UGT1A8: variants seen among roughly 807,000 people sequenced by gnomAD.
The protein encoded by UGT1A8 is UDP glucuronosyltransferase family 1 member A8.
Under a neutral mutation model 45.3 loss-of-function variants are expected in UGT1A8, and 39 were observed. That is an observed-to-expected ratio of 0.86 (90% CI 0.67 to 1.12). UGT1A8 has a LOEUF of 1.12. Among genes scored for constraint, UGT1A8 ranks in the 50% most tolerant of loss-of-function variants. UGT1A8 has a pLI of 0.00. For missense variants in UGT1A8, 719 were observed against 664.9 expected, an observed-to-expected ratio of 1.08 and a Z score of -0.90; for synonymous variants, 275 against 249.2, an observed-to-expected ratio of 1.10 and a Z score of -0.97.
chr2:233,658,138 C>A lies in UGT1A8; in HGVS notation c.855+39576C>A, dbSNP rs528752990. On this transcript the variant is annotated intron_variant, in intron 1 of 4. Transcript: ENST00000373450. Reference sequence around the variant, plus strand: ...GGTTCAAATGATTCTTGTGCCTCAGCCTCCTGAGTAGCTGGGATTACAGGT... The same window carrying A: ...GGTTCAAATGATTCTTGTGCCTCAGACTCCTGAGTAGCTGGGATTACAGGT... Among the ~76,000 whole-genome samples, 45 of 151,904 alleles carry A rather than the reference C, an allele frequency of 3.0e-4. 1 individual carries two copies. In the East Asian group the frequency reaches 7.4e-3, roughly 25 times the overall value.
At chr2:233,763,748 T>A (rs1698392875) in intron 1 of UGT1A8, among the ~76,000 whole-genome samples, 1 of 152,112 alleles carries the variant, frequency 6.6e-6, no homozygotes, top group African/African-American at 2.4e-5. Flanking sequence ...GTGTCTTTGG[T>A]GTGTCTGAAG....
At chr2:233,710,507 A>G (rs576426640) in intron 1 of UGT1A8, among the ~76,000 whole-genome samples, 1 of 152,168 alleles carries the variant, frequency 6.6e-6, no homozygotes, top group Non-Finnish European at 1.5e-5. Flanking sequence ...CATTCCTCTT[A>G]TGACTGATGA....
At chr2:233,743,187 A>G (rs904489240) in intron 1 of UGT1A8, 11 of 373,380 alleles carry the variant, frequency 2.9e-5, no homozygotes, top group Middle Eastern at 3.7e-4. Flanking sequence ...GTGGACTGGA[A>G]TTACTTGGTG....
chr2:233,686,085 T>C (rs534797279), intron 1 of UGT1A8, among the ~76,000 whole-genome samples: 31 of 152,310 alleles, frequency 2.0e-4, no homozygotes, highest in Non-Finnish European at 3.1e-4. Flanking sequence ...GACAACTGCA[T>C]ATCCAAGTCC....
chr2:233,627,636 C>CCTTT (rs2073110474), intron 1 of UGT1A8, among the ~76,000 whole-genome samples: 1 of 121,644 alleles, frequency 8.2e-6, no homozygotes, highest in Non-Finnish European at 1.8e-5. Context: ...TTCCTTCCTT[C>CCTTT]CTTCCTTCCT....
chr2:233,636,888 G>T (rs767585841), intron 1 of UGT1A8: 24 of 1,613,596 alleles, frequency 1.5e-5, no homozygotes, highest in Non-Finnish European at 1.7e-5. Context: ...TATTTTTTTC[G>T]CATTGCAGGA....
At chr2:233,747,030 G>A (rs1487472781) in intron 1 of UGT1A8, among the ~76,000 whole-genome samples, 1 of 151,896 alleles carries the variant, frequency 6.6e-6, no homozygotes, top group Non-Finnish European at 1.5e-5. Context: ...TTCCCGAAGT[G>A]GGACCCATAA....
At chr2:233,657,105 C>T (rs992481223) in intron 1 of UGT1A8, among the ~76,000 whole-genome samples, 3 of 152,144 alleles carry the variant, frequency 2.0e-5, no homozygotes, top group African/African-American at 7.2e-5. Context: ...CAACACAATA[C>T]ACCGTCTCTT....
chr2:233,755,295 G>A (rs566293280), intron 1 of UGT1A8: 4 of 631,344 alleles, frequency 6.3e-6, no homozygotes, highest in African/African-American at 3.8e-5. Context: ...AGCCTGCGGG[G>A]CACTGGCACA....
intron 1 of UGT1A8, among the ~76,000 whole-genome samples, chr2:233,727,601 G>A (rs565458443): frequency 3.4e-4 from 52 of 152,170 alleles, no homozygotes; most frequent in Non-Finnish European, 4.4e-4. Flanking sequence ...GGGGGTTGGA[G>A]GAATAGTTCA....
intron 1 of UGT1A8, among the ~76,000 whole-genome samples, chr2:233,756,623 G>A (rs1327328388): frequency 6.6e-6 from 1 of 152,146 alleles, no homozygotes; most frequent in East Asian, 1.9e-4. Flanking sequence ...CTTGCAGGCC[G>A]TGTGTATAGC....
At chr2:233,635,852 C>T (rs1322705938) in intron 1 of UGT1A8, among the ~76,000 whole-genome samples, 1 of 151,022 alleles carries the variant, frequency 6.6e-6, no homozygotes, top group Non-Finnish European at 1.5e-5. Context: ...CCACTGCATG[C>T]AACGTATCTG....
In UGT1A8 at chr2:233,693,952, C is replaced by T. The variant is rs1040286901; in HGVS notation, c.856-73082C>T. ...ATTTGGCTCCTTGAGCCGACTGTCC[C>T]TTGGAGGATTTCCTGGAGAAACGGT... On this transcript the variant is annotated intron_variant, in intron 1 of 4. Coordinates refer to ENST00000373450, the MANE Select transcript of UGT1A8 (RefSeq NM_019076.5). The T allele has an allele frequency of 1.9e-6, 3 of 1,588,800 alleles. No homozygotes were observed. The African/African-American group carries it at 4.1e-5, about 21-fold the overall frequency.
At chr2:233,682,586 C>A in intron 1 of UGT1A8, 3 of 1,613,922 alleles carry the variant, frequency 1.9e-6, no homozygotes, top group Non-Finnish European at 2.5e-6. Context: ...CTTGGAGGAA[C>A]ATTTATTTTG....
intron 1 of UGT1A8, among the ~76,000 whole-genome samples, chr2:233,627,784 C>A (rs891446112): frequency 6.6e-6 from 1 of 151,800 alleles, no homozygotes; most frequent in Non-Finnish European, 1.5e-5. Context: ...TCAAGCAATT[C>A]GACTTTTTTG....
chr2:233,767,127 A>G lies in UGT1A8; in HGVS notation c.949A>G (p.Met317Val), dbSNP rs749159613. 5.0e-6 allele frequency: 8 copies of G among 1,614,028 alleles called. No homozygotes were observed. Among genetic ancestry groups the G allele is most frequent in the South Asian group, 2.2e-5 (2 of 91,084 alleles). The change falls in exon 2 of 5, where the codon ATG (methionine) becomes GTG (valine). Residue 317 changes from methionine (M) to valine (V), a missense_variant. Met to Val is a conservative substitution (Grantham distance 21). Coordinates refer to ENST00000373450, the MANE Select transcript of UGT1A8 (RefSeq NM_019076.5). Reference sequence around the variant, plus strand: ...CTCAGAAATTCCAGAGAAGAAAGCTATGGCAATTGCTGATGCTTTGGGCAA... The same window carrying G: ...CTCAGAAATTCCAGAGAAGAAAGCTGTGGCAATTGCTGATGCTTTGGGCAA... The part of the protein sequence containing the change: ...MVSEIPEKKA[M>V]AIADALGKIP...
At position 233,711,685 on chromosome 2, in the gene UGT1A8, T is replaced by C. The variant is rs187300831; in HGVS notation, c.856-55349T>C. 2.5e-3 allele frequency among the ~76,000 whole-genome samples: 380 copies of C among 152,250 alleles called. 1 individual carries two copies. Among genetic ancestry groups the C allele is most frequent in the African/African-American group, 8.7e-3 (363 of 41,544 alleles). Reference sequence around the variant, plus strand: ...ATCTATTATCAATGTGGATTTCTAATGGGGGTAACTTCCTCCCTAAGGGAA... The same window carrying C: ...ATCTATTATCAATGTGGATTTCTAACGGGGGTAACTTCCTCCCTAAGGGAA... On this transcript the variant is annotated intron_variant, in intron 1 of 4. Transcript: ENST00000373450.
At chr2:233,763,944 G>T (rs1331783792) in intron 1 of UGT1A8, among the ~76,000 whole-genome samples, 1 of 152,182 alleles carries the variant, frequency 6.6e-6, no homozygotes, top group South Asian at 2.1e-4. Flanking sequence ...AGGAAAGCTT[G>T]GGAGCAGGGA....
intron 1 of UGT1A8, chr2:233,755,200 G>C: frequency 9.0e-7 from 1 of 1,105,698 alleles, no homozygotes; most frequent in Non-Finnish European, 1.3e-6. Context: ...GCCAGCTTGC[G>C]GTACGCCTTC....
Sources: allele counts gnomAD v4.1 joint callset (sites outside exome capture counted in the v4.1 genomes callset), GRCh38; gene constraint gnomAD v4.1.1; transcripts MANE v1.5; gene names NCBI Gene and HGNC (gene_info 2026-07-23, HGNC 2026-07-21).